Variants in ADD3 observed in about 807,000 individuals in gnomAD.
The protein encoded by ADD3 is adducin 3.
Under a neutral mutation model 80.2 loss-of-function variants are expected in ADD3, and 25 were observed. That is an observed-to-expected ratio of 0.31 (90% CI 0.23 to 0.44). ADD3 has a LOEUF of 0.44. Ranked by LOEUF, ADD3 falls within the 20% of genes least tolerant of loss-of-function variation. The pLI is 1.00. For synonymous variants in ADD3, 284 were observed against 289.6 expected (o/e 0.98, Z 0.20); for missense variants, 829 against 847.5 (o/e 0.98, Z 0.27).
intron 1 of ADD3, among the ~76,000 whole-genome samples, chr10:109,996,825 T>C (rs1851389395): frequency 6.6e-6 from 1 of 152,242 alleles, no homozygotes; most frequent in South Asian, 2.1e-4. Flanking sequence ...CTCAGTGGTG[T>C]GACTGATGTC....
intron 1 of ADD3, among the ~76,000 whole-genome samples, chr10:110,073,953 T>C (rs529735829): frequency 1.6e-4 from 24 of 151,954 alleles, no homozygotes; most frequent in African/African-American, 4.8e-4. Flanking sequence ...TTGTAGTAGA[T>C]GGAGAGGTTA....
In ADD3 at chr10:110,036,419, G is replaced by A. The variant is rs1180638438; in HGVS notation, c.-30+28120G>A. Among the ~76,000 whole-genome samples the A allele has an allele frequency of 9.2e-5, 12 of 130,736 alleles. No individual in the cohort carries two copies. The Admixed American group carries it at 9.7e-4, about 11-fold the overall frequency. The allele number at this position is 130,736 out of a possible 152,430, so 85.8% of individuals were successfully genotyped here. A position where few individuals can be genotyped will look rare whatever the true frequency, so the allele number is the denominator to read the frequency against. Reference sequence around the variant, plus strand: ...TTCTTGAGACGAGTCTTGCTCTGTCGCCCGGGCTGGAGTGCAGTGGCGTGG... The same window carrying A: ...TTCTTGAGACGAGTCTTGCTCTGTCACCCGGGCTGGAGTGCAGTGGCGTGG... On this transcript the variant is annotated intron_variant, in intron 1 of 14. Transcript: ENST00000356080.
chr10:110,077,256 A>G (rs1845475407), intron 1 of ADD3: 1 of 149,938 alleles, frequency 6.7e-6, no homozygotes, highest in African/African-American at 2.5e-5. Flanking sequence ...TGGCTTTATC[A>G]CTCCACTAAG....
upstream of ADD3, among the ~76,000 whole-genome samples, chr10:110,005,155 C>T (rs1207019888): frequency 2.0e-5 from 3 of 152,124 alleles, no homozygotes; most frequent in East Asian, 1.9e-4. Flanking sequence ...CTCCGCCTCC[C>T]GGGTTCAAGC....
intron 1 of ADD3, among the ~76,000 whole-genome samples, chr10:110,042,732 G>A (rs912953354): frequency 4.8e-4 from 72 of 150,062 alleles, no homozygotes; most frequent in African/African-American, 1.7e-3. Context: ...TTAGGCTTGG[G>A]AACCAAATCG....
chr10:110,061,197 G>GA (rs2133502553), intron 1 of ADD3, among the ~76,000 whole-genome samples: 1 of 152,340 alleles, frequency 6.6e-6, no homozygotes, highest in East Asian at 1.9e-4. Flanking sequence ...TCCAGATGGT[G>GA]AGGCTCATCC....
intron 1 of ADD3, among the ~76,000 whole-genome samples, chr10:110,057,624 A>G (rs776123123): frequency 6.6e-6 from 1 of 152,138 alleles, no homozygotes; most frequent in Non-Finnish European, 1.5e-5. Context: ...TCTTCATCTG[A>G]TTCTAATTTG....
intron 1 of ADD3, among the ~76,000 whole-genome samples, chr10:110,061,331 A>G (rs547020135): frequency 2.0e-5 from 3 of 152,326 alleles, no homozygotes; most frequent in African/African-American, 7.2e-5. Context: ...GGTGTAGTGC[A>G]GCCTGGAAAA....
intron 1 of ADD3, among the ~76,000 whole-genome samples, chr10:110,082,321 AG>A (rs1334110093): frequency 6.6e-6 from 1 of 152,216 alleles, no homozygotes; most frequent in African/African-American, 2.4e-5. Context: ...TAAAAAGATC[AG>A]AAAAAAAATG....
At chr10:109,997,107 G>A (rs1851395762) in intron 1 of ADD3, among the ~76,000 whole-genome samples, 1 of 152,216 alleles carries the variant, frequency 6.6e-6, no homozygotes, top group African/African-American at 2.4e-5. Flanking sequence ...TGAAGAGAAA[G>A]CTGAAGAATA....
At chr10:110,036,406 G>A (rs2133241360) in intron 1 of ADD3, among the ~76,000 whole-genome samples, 1 of 130,204 alleles carries the variant, frequency 7.7e-6, no homozygotes, top group Non-Finnish European at 1.6e-5. Context: ...CTTGAGACGA[G>A]TCTTGCTCTG....
intron 2 of ADD3, among the ~76,000 whole-genome samples, chr10:110,109,341 T>C (rs1849730217): frequency 1.3e-5 from 2 of 152,202 alleles, no homozygotes; most frequent in South Asian, 4.1e-4. Context: ...ATGCATACAA[T>C]TTTATGGCAT....
At chr10:110,054,720 T>C (rs996668112) in intron 1 of ADD3, among the ~76,000 whole-genome samples, 2 of 151,774 alleles carry the variant, frequency 1.3e-5, no homozygotes, top group Non-Finnish European at 2.9e-5. Context: ...TTCATGCCAT[T>C]CTCCTGCCTC....
At chr10:110,062,613 T>A (rs1859068957) in intron 1 of ADD3, among the ~76,000 whole-genome samples, 2 of 152,226 alleles carry the variant, frequency 1.3e-5, no homozygotes, top group South Asian at 4.1e-4. Flanking sequence ...AACCTACCTT[T>A]ATATATTTGA....
At chr10:110,095,177 A>G (rs1848004705) in intron 1 of ADD3, among the ~76,000 whole-genome samples, 1 of 152,224 alleles carries the variant, frequency 6.6e-6, no homozygotes, top group Non-Finnish European at 1.5e-5. Flanking sequence ...CAAGCTTGCA[A>G]GGTGGTCAGT....
At chr10:110,121,677 G>C (rs1257387574) in intron 8 of ADD3, among the ~76,000 whole-genome samples, 1 of 152,198 alleles carries the variant, frequency 6.6e-6, no homozygotes, top group Admixed American at 6.5e-5. Context: ...GCTATGAAAA[G>C]CTTAATTAAA....
chr10:110,126,385 A>G, intron 11 of ADD3, 32 bp from the exon 12 acceptor site: 1 of 1,568,692 alleles, frequency 6.4e-7, no homozygotes. Flanking sequence ...GTTGCCCTCA[A>G]GAACTTTATA....
At chr10:110,010,808 T>A (rs1216950450) in intron 1 of ADD3, among the ~76,000 whole-genome samples, 1 of 152,194 alleles carries the variant, frequency 6.6e-6, no homozygotes, top group African/African-American at 2.4e-5. Flanking sequence ...CCACTGCCCC[T>A]TGTTGCTATT....
chr10:110,124,819 C>A (rs550968016), intron 10 of ADD3, among the ~76,000 whole-genome samples: 6 of 152,282 alleles, frequency 3.9e-5, no homozygotes, highest in Admixed American at 1.3e-4. Context: ...GGAGTGCATA[C>A]CACCAAACAT....
Sources: gnomAD v4.1 joint callset for allele counts (sites outside exome capture counted in the v4.1 genomes callset) on GRCh38, gnomAD v4.1.1 for gene constraint, MANE v1.5 for transcripts, NCBI Gene and HGNC (gene_info 2026-07-23, HGNC 2026-07-21) for gene names.